Variants in CYP4A11 observed in about 807,000 individuals in gnomAD.
CYP4A11 encodes cytochrome P450 family 4 subfamily A member 11.
Under a neutral mutation model 57.7 loss-of-function variants are expected in CYP4A11, and 52 were observed. The observed-to-expected ratio is 0.90, with a 90% confidence interval of 0.72 to 1.14. CYP4A11 has a LOEUF of 1.14. CYP4A11 is among the 50% of genes most tolerant of loss of function. The pLI is 0.00. For synonymous variants in CYP4A11, 228 were observed against 247.1 expected, an observed-to-expected ratio of 0.92 and a Z score of 0.72; for missense variants, 641 against 642.1, an observed-to-expected ratio of 1.00 and a Z score of 0.02.
chr1:46,935,714 T>C (rs1025391467), intron 4 of CYP4A11, 67 bp from the exon 5 acceptor site: 1 of 1,570,078 alleles, frequency 6.4e-7, no homozygotes, highest in Non-Finnish European at 8.6e-7. Context: ...GGCCTGGCTT[T>C]TTCATGTACC....
chr1:46,937,215 G>A, intron 3 of CYP4A11, 87 bp downstream of exon 3: 1 of 1,447,406 alleles, frequency 6.9e-7, no homozygotes, highest in Non-Finnish European at 9.6e-7. Context: ...TGATAGTGGT[G>A]GCCTCTAATC....
intron 1 of CYP4A11, among the ~76,000 whole-genome samples, chr1:46,938,571 A>G (rs1280128539): frequency 6.6e-6 from 1 of 152,242 alleles, no homozygotes; most frequent in Non-Finnish European, 1.5e-5. Flanking sequence ...CCCAGCATAT[A>G]CGGTAAATAT....
intron 4 of CYP4A11, 111 bp downstream of exon 4, chr1:46,936,553 G>A: frequency 4.9e-6 from 7 of 1,439,048 alleles, no homozygotes; most frequent in Non-Finnish European, 6.4e-6. Context: ...TGAGAGTGTT[G>A]TTCCATGTGT....
At chr1:46,938,883 C>G (rs1681582910) in intron 1 of CYP4A11, among the ~76,000 whole-genome samples, 1 of 152,242 alleles carries the variant, frequency 6.6e-6, no homozygotes, top group South Asian at 2.1e-4. Context: ...TTGCCTCCAG[C>G]CCTGCTGGCA....
chr1:46,936,373 C>T (rs1187846596), intron 4 of CYP4A11, among the ~76,000 whole-genome samples: 2 of 152,256 alleles, frequency 1.3e-5, no homozygotes, highest in African/African-American at 2.4e-5. Context: ...AGATTGCATA[C>T]TCCTCCAGTC....
intron 1 of CYP4A11, among the ~76,000 whole-genome samples, chr1:46,939,568 C>A (rs1570109701): frequency 6.6e-6 from 1 of 152,196 alleles, no homozygotes; most frequent in East Asian, 1.9e-4. Flanking sequence ...GAGATGGTCT[C>A]TCCCAGAAGA....
rs773811195 is a variant in CYP4A11, at chr1:46,938,149, G to A, written c.196-12C>T. On this transcript the variant is annotated splice_polypyrimidine_tract_variant and intron_variant, in intron 1 of 11. Transcript: ENST00000310638. ...TGGTCCTGTTGGAGCTGTCAACAAG[G>A]GTAGACAGATGAACACTTTCATTTA... The A allele has an allele frequency of 2.5e-6, 4 of 1,614,104 alleles. No homozygotes were observed. The South Asian group carries it at 3.3e-5, about 13-fold the overall frequency.
At position 46,938,046 on chromosome 1, in the gene CYP4A11, C is replaced by T. The variant is rs779308763; in HGVS notation, c.287G>A (p.Arg96His). The T allele has an allele frequency of 3.6e-5, 58 of 1,614,054 alleles. No homozygotes were observed. Among genetic ancestry groups the T allele is most frequent in the East Asian group, 1.3e-4 (6 of 44,892 alleles). ...CPHWLWGGKV[R>H]VQLYDPDYMK... ...ATAGTCAGGGTCATAGAGCTGGACA[C>T]GAACTTTGCCTCCCCATAGCCAATG... is the stretch of plus-strand genomic sequence containing the variant. The change falls in exon 2 of 12, where the codon CGT (arginine) becomes CAT (histidine). Residue 96 changes from arginine (R) to histidine (H), a missense_variant. By Grantham distance (29) the Arg-to-His change is conservative (BLOSUM62 0). Transcript: ENST00000310638.
chr1:46,941,414 C>A lies in CYP4A11; in HGVS notation c.20G>T (p.Ser7Ile), dbSNP rs1407461140. MSVSVL[S>I]PSRLLGDVSG... Reference sequence around the variant, plus strand: ...GACATCACCCAGGAGTCTGCTGGGGCTCAGCACAGAGACACTCATGGTGCA... The same window carrying A: ...GACATCACCCAGGAGTCTGCTGGGGATCAGCACAGAGACACTCATGGTGCA... Residue 7 changes from serine to isoleucine, a missense_variant, in exon 1 of 12, where the codon AGC becomes ATC. Ser to Ile is a moderately radical substitution (Grantham distance 142). Transcript: ENST00000310638. The A allele has an allele frequency of 6.2e-7, 1 of 1,614,034 alleles. No individual in the cohort carries two copies. Among genetic ancestry groups the A allele is most frequent in the Non-Finnish European group, 8.5e-7 (1 of 1,179,954 alleles).
intron 2 of CYP4A11, 52 bp downstream of exon 2, chr1:46,937,944 C>G (rs1681514870): frequency 6.2e-7 from 1 of 1,605,924 alleles, no homozygotes; most frequent in African/African-American, 1.3e-5. Flanking sequence ...GACCCAGGAG[C>G]ATGTGTCAAG....
At chr1:46,933,802 A>G in intron 9 of CYP4A11, 144 bp downstream of exon 9, 1 of 1,350,544 alleles carries the variant, frequency 7.4e-7, no homozygotes. Flanking sequence ...CAAATTCTTT[A>G]TCCCAAGTAC....
rs1197886959 is a variant in CYP4A11, at chr1:46,934,085, A to G, written c.1089-6T>C. On this transcript the variant is annotated splice_polypyrimidine_tract_variant and splice_region_variant and intron_variant, in intron 8 of 11. Coordinates refer to ENST00000310638, the MANE Select transcript of CYP4A11 (RefSeq NM_000778.4). ...GCATCTGGTCCAGGTGGTTCCTGAA[A>G]CAATTCCATCCTGAACACCAGCAAG... 1 of 1,612,340 alleles carries G rather than the reference A, an allele frequency of 6.2e-7. No homozygotes were observed. The highest frequency in any genetic ancestry group is 1.3e-5 in the African/African-American group (1 of 74,714).
chr1:46,934,544 A>G lies in CYP4A11; in HGVS notation c.806T>C (p.Leu269Pro). 1 of 1,613,316 alleles carries G rather than the reference A, an allele frequency of 6.2e-7. No individual in the cohort carries two copies. Among genetic ancestry groups the G allele is most frequent in the South Asian group, 1.1e-5 (1 of 90,978 alleles). The stretch of plus-strand genomic sequence containing the variant: ...CTCCTTCTGTAGTTGAGCCTTCCTC[A>G]GTTGGATCACTTGGTCTGTACCAGA... The part of the protein sequence containing the change: ...AHQHTDQVIQ[L>P]RKAQLQKEGE... Residue 269 changes from leucine (L) to proline (P), a missense_variant, in exon 7 of 12, where the codon CTG becomes CCG. Leu to Pro is a moderately conservative substitution (Grantham distance 98). Coordinates refer to ENST00000310638, the MANE Select transcript of CYP4A11 (RefSeq NM_000778.4).
Position 46,929,462 on chromosome 1 carries a change from C to T in CYP4A11, c.*653G>A, listed in dbSNP as rs1680878689. On this transcript the variant is annotated 3_prime_UTR_variant, in exon 12 of 12. Coordinates refer to ENST00000310638, the MANE Select transcript of CYP4A11 (RefSeq NM_000778.4). ...GCTAAGGATGGAGGCTGTGAAGGCCCCGAGCTCTGGAAGTGCAGATTATTT... is the reference window on the plus strand; with the variant it reads ...GCTAAGGATGGAGGCTGTGAAGGCCTCGAGCTCTGGAAGTGCAGATTATTT... The T allele has an allele frequency of 6.7e-6, 1 of 148,990 alleles. No homozygotes were observed. The highest frequency in any genetic ancestry group is 6.7e-5 in the Admixed American group (1 of 14,886). The allele number at this position is 148,990 out of a possible 1,614,324, so 9.2% of individuals were successfully genotyped here.
intron 7 of CYP4A11, 28 bp downstream of exon 7, chr1:46,934,425 G>C (rs1400912844): frequency 1.2e-6 from 2 of 1,606,854 alleles, no homozygotes; most frequent in African/African-American, 2.7e-5. Flanking sequence ...TCTGGGCAAA[G>C]ACTCAGGCCT....
Position 46,934,472 on chromosome 1 carries a change from T to C in CYP4A11, c.878A>G (p.Asp293Gly), listed in dbSNP as rs1274239738. ...ACTCACTTTGGCCAAGAGGAGGATATCCAGAAAATCCAAATGCCTCTTCCT... is the reference window on the plus strand; with the variant it reads ...ACTCACTTTGGCCAAGAGGAGGATACCCAGAAAATCCAAATGCCTCTTCCT... ...IKRKRHLDFL[D>G]ILLLAKMENG... Residue 293 changes from aspartate to glycine, a missense_variant, in exon 7 of 12, where the codon GAT becomes GGT. Coordinates refer to ENST00000310638, the MANE Select transcript of CYP4A11 (RefSeq NM_000778.4). The C allele has an allele frequency of 6.2e-7, 1 of 1,613,834 alleles. No individual in the cohort carries two copies. The highest frequency in any genetic ancestry group is 1.1e-5 in the South Asian group (1 of 91,070).
rs1364487407 is a variant in CYP4A11, at chr1:46,938,003, C to A, written c.330G>T (p.Gly110=). 6.2e-7 allele frequency: 1 copy of A among 1,613,932 alleles called. No homozygotes were observed. Among genetic ancestry groups the A allele is most frequent in the Non-Finnish European group, 8.5e-7 (1 of 1,180,014 alleles). ...ATGGGGGTTCGATCTCACCTGATCTCCCCAGAATCACCTTCATATAGTCAG... is the reference window on the plus strand; with the variant it reads ...ATGGGGGTTCGATCTCACCTGATCTACCCAGAATCACCTTCATATAGTCAG... ...YDPDYMKVIL[G]RSDPKSHGSY... is the part of the protein sequence containing the mutation. Residue 110 remains glycine, a synonymous_variant, in exon 2 of 12, where the codon GGG becomes GGT. Transcript: ENST00000310638.
intron 1 of CYP4A11, chr1:46,940,946 A>C: frequency 1.0e-6 from 1 of 985,368 alleles, no homozygotes; most frequent in South Asian, 4.7e-5. Context: ...TTATGGGGTA[A>C]TCAGTCTGGA....
intron 9 of CYP4A11, among the ~76,000 whole-genome samples, chr1:46,933,274 CAG>C (rs1170450810): frequency 6.6e-6 from 1 of 152,320 alleles, no homozygotes; most frequent in Admixed American, 6.5e-5. Context: ...AAGAAAGAAT[CAG>C]AGCATTACTC....
Sources: allele counts gnomAD v4.1 joint callset (sites outside exome capture counted in the v4.1 genomes callset), GRCh38; gene constraint gnomAD v4.1.1; transcripts MANE v1.5; gene names NCBI Gene and HGNC (gene_info 2026-07-23, HGNC 2026-07-21).